MBTD1: variants seen among roughly 807,000 people sequenced by gnomAD.
MBTD1 encodes mbt domain containing 1, also known as MBT domain-containing protein 1.
In MBTD1, 24 loss-of-function variants were observed where a neutral mutation model predicts 87.8. That is an observed-to-expected ratio of 0.27 (90% CI 0.20 to 0.38). The LOEUF is 0.38. Ranked by LOEUF, MBTD1 falls within the 10% of genes least tolerant of loss-of-function variation. MBTD1 has a pLI of 1.00. For synonymous variants in MBTD1, 237 were observed against 248.6 expected (o/e 0.95, Z 0.44); for missense variants, 436 against 760.2 (o/e 0.57, Z 5.02).
intron 2 of MBTD1, among the ~76,000 whole-genome samples, chr17:51,239,706 G>A (rs1030057306): frequency 5.9e-5 from 9 of 151,826 alleles, no homozygotes; most frequent in African/African-American, 1.7e-4. Context: ...ATCCCCCAGC[G>A]GTGACAACCA....
At chr17:51,212,141 C>T (rs1034342389) in intron 6 of MBTD1, among the ~76,000 whole-genome samples, 1 of 152,022 alleles carries the variant, frequency 6.6e-6, no homozygotes, top group South Asian at 2.1e-4. Context: ...GGACAGATCA[C>T]GAGGTCAGGA....
At chr17:51,214,913 T>A (rs1259736128) in intron 6 of MBTD1, among the ~76,000 whole-genome samples, 4 of 152,168 alleles carry the variant, frequency 2.6e-5, no homozygotes, top group Non-Finnish European at 5.9e-5. Context: ...GTAACTCTCC[T>A]TAGAGACCCA....
intron 16 of MBTD1, chr17:51,183,653 T>C (rs1461862869): frequency 6.6e-6 from 1 of 152,220 alleles, no homozygotes; most frequent in African/African-American, 2.4e-5. Flanking sequence ...AACAAGACTG[T>C]GCAGTTAGTT....
chr17:51,209,729 T>C (rs2052058681), intron 6 of MBTD1, among the ~76,000 whole-genome samples: 1 of 152,134 alleles, frequency 6.6e-6, no homozygotes, highest in African/African-American at 2.4e-5. Context: ...AATCTGTAAG[T>C]GGGCAGAGAC....
intron 2 of MBTD1, chr17:51,256,867 AGG>A (rs1339578922): frequency 1.3e-5 from 2 of 152,218 alleles, no homozygotes; most frequent in Non-Finnish European, 2.9e-5. Flanking sequence ...TTGTCCAACA[AGG>A]GCCATGGAGC....
intron 16 of MBTD1, among the ~76,000 whole-genome samples, chr17:51,191,075 G>C (rs2050784706): frequency 6.6e-6 from 1 of 151,818 alleles, no homozygotes; most frequent in Non-Finnish European, 1.5e-5. Flanking sequence ...GAGCAACAAA[G>C]TAAGGCCTTG....
intron 16 of MBTD1, among the ~76,000 whole-genome samples, chr17:51,182,381 C>G (rs752856629): frequency 5.3e-5 from 8 of 152,006 alleles, no homozygotes; most frequent in Non-Finnish European, 1.2e-4. Context: ...CCCACCTTGG[C>G]CTCCCAAAGT....
At chr17:51,209,084 A>G (rs932165480) in intron 6 of MBTD1, among the ~76,000 whole-genome samples, 7 of 152,270 alleles carry the variant, frequency 4.6e-5, no homozygotes, top group Admixed American at 1.3e-4. Flanking sequence ...CGGTCATAGC[A>G]TAGTATGTGC....
chr17:51,220,303 T>TA lies in MBTD1; in HGVS notation c.288+26dup, dbSNP rs910143470. On this transcript the variant is annotated intron_variant, in intron 4 of 16. Transcript: ENST00000586178. ...GCAAAAGCCATAGAAATAATGGATA[T>TA]AAGTAAGAAAGTTTCTGTACCGTTA... The TA allele has an allele frequency of 5.9e-6, 9 of 1,532,560 alleles. No homozygotes were observed. The Admixed American group carries it at 1.2e-4, about 21-fold the overall frequency. The allele number at this position is 1,532,560 out of a possible 1,614,324, so 94.9% of individuals were successfully genotyped here. A position where few individuals can be genotyped will look rare whatever the true frequency, so the allele number is the denominator to read the frequency against.
At chr17:51,260,185 G>C (rs2055396730), upstream of MBTD1, 1 of 387,040 alleles carries the variant, frequency 2.6e-6, no homozygotes, top group South Asian at 5.8e-5. Context: ...GTACCAAGAC[G>C]AAGGGTGGAA....
intron 1 of MBTD1, 148 bp downstream of exon 1, chr17:51,259,687 G>A (rs1416577517): frequency 4.4e-6 from 3 of 682,398 alleles, no homozygotes; most frequent in Non-Finnish European, 6.2e-6. Flanking sequence ...GGCTGGAAGG[G>A]GGAGGGGGGC....
chr17:51,208,926 C>T (rs958554487), intron 6 of MBTD1, among the ~76,000 whole-genome samples: 5 of 152,184 alleles, frequency 3.3e-5, no homozygotes, highest in African/African-American at 1.2e-4. Context: ...TCCCTACAGT[C>T]TGGATTGGTA....
At chr17:51,247,119 T>C (rs1389998745) in intron 2 of MBTD1, among the ~76,000 whole-genome samples, 2 of 152,204 alleles carry the variant, frequency 1.3e-5, no homozygotes, top group African/African-American at 4.8e-5. Flanking sequence ...ATATTGTATG[T>C]TAAGGAAGTA....
intron 16 of MBTD1, among the ~76,000 whole-genome samples, chr17:51,190,513 A>C (rs1302283523): frequency 6.6e-6 from 1 of 151,236 alleles, no homozygotes; most frequent in African/African-American, 2.4e-5. Flanking sequence ...GCTTGAGCCC[A>C]GGAGTTTGAG....
chr17:51,231,894 C>G (rs2053571062), intron 2 of MBTD1, among the ~76,000 whole-genome samples: 1 of 151,116 alleles, frequency 6.6e-6, no homozygotes, highest in African/African-American at 2.4e-5. Context: ...GGATAGAATA[C>G]CAGCGAACTA....
chr17:51,211,504 TA>T (rs35259426), intron 6 of MBTD1, among the ~76,000 whole-genome samples: 2,416 of 135,140 alleles, frequency 0.018, 65 homozygotes, highest in African/African-American at 0.06. Context: ...TGAGACTGTT[TA>T]AAAAAAAAAA....
upstream of MBTD1, chr17:51,260,662 G>A (rs566289031): frequency 1.6e-5 from 26 of 1,612,196 alleles, no homozygotes; most frequent in African/African-American, 3.1e-4. Flanking sequence ...CCGGAATGAG[G>A]CCGGACTGGA....
chr17:51,193,007 T>C lies in MBTD1; in HGVS notation c.1465A>G (p.Asn489Asp), dbSNP rs887195288. ...PVKLFNKDVP[N>D]HGFRVGMKLE... is the part of the protein sequence containing the mutation. ...TTCATTCCTACACGAAATCCGTGAT[T>C]TGGAACATCCTGACACAGAGAAGAA... The change falls in exon 15 of 17, where the codon AAT (asparagine) becomes GAT (aspartate). Residue 489 changes from asparagine (N) to aspartate (D), a missense_variant. By Grantham distance (23) the Asn-to-Asp change is conservative. Transcript: ENST00000586178. The C allele has an allele frequency of 2.5e-6, 4 of 1,610,196 alleles. No homozygotes were observed. The highest frequency in any genetic ancestry group is 1.7e-5 in the Admixed American group (1 of 60,010).
chr17:51,226,425 C>T (rs2053220986), intron 2 of MBTD1, among the ~76,000 whole-genome samples: 1 of 151,004 alleles, frequency 6.6e-6, no homozygotes, highest in South Asian at 2.1e-4. Flanking sequence ...ATCACTAGAG[C>T]CTGGGAGGTG....
Sources: gnomAD v4.1 joint callset for allele counts (sites outside exome capture counted in the v4.1 genomes callset) on GRCh38, gnomAD v4.1.1 for gene constraint, MANE v1.5 for transcripts, NCBI Gene and HGNC (gene_info 2026-07-23, HGNC 2026-07-21) for gene names.